FBXW12: variants seen among roughly 807,000 people sequenced by gnomAD.
The protein encoded by FBXW12 is F-box and WD repeat domain containing 12, also known as F-box/WD repeat-containing protein 12.
FBXW12 carries 43 observed loss-of-function variants against 55.3 expected under a neutral mutation model. The observed-to-expected ratio is 0.78, with a 90% CI of 0.61 to 1.00. The LOEUF (loss-of-function observed/expected upper bound fraction) is 1.00. Ranked by LOEUF, FBXW12 falls within the 50% of genes least tolerant of loss-of-function variation. The probability of loss-of-function intolerance (pLI) is 0.00; values close to 1 mark genes in which losing one functional copy is unlikely to be tolerated. For synonymous variants in FBXW12, 184 were observed against 203.8 expected (o/e 0.90, Z 0.83); for missense variants, 524 against 560.5 (o/e 0.93, Z 0.66).
intron 10 of FBXW12, among the ~76,000 whole-genome samples, chr3:48,391,499 C>T (rs1008365077): frequency 6.6e-6 from 1 of 152,076 alleles, no homozygotes; most frequent in Non-Finnish European, 1.5e-5. Context: ...ACTACTATCA[C>T]TACTAATCAC....
In FBXW12 at chr3:48,386,939, TTC is replaced by T. The variant is rs1444896688; in HGVS notation, c.1295+4856_1295+4857del. The stretch of plus-strand genomic sequence containing the variant: ...TCATTTTGTAGTTTTCTTCTTCTTC[TTC>T]TTTTTTTTTTTTTTAGGCGAAGTCT... On this transcript the variant is annotated intron_variant, in intron 10 of 10. Transcript: ENST00000296438. Among the ~76,000 whole-genome samples, 226 of 106,268 alleles carry T rather than the reference TTC, an allele frequency of 2.1e-3. 1 individual carries two copies. Among genetic ancestry groups the T allele is most frequent in the Non-Finnish European group, 3.8e-3 (181 of 47,784 alleles). The allele number at this position is 106,268 out of a possible 152,430, so 69.7% of individuals were successfully genotyped here. A position where few individuals can be genotyped will look rare whatever the true frequency, so the allele number is the denominator to read the frequency against.
chr3:48,381,803 G>T lies in FBXW12; in HGVS notation c.1089G>T (p.Leu363Phe), dbSNP rs757436176. The T allele has an allele frequency of 3.7e-6, 6 of 1,612,418 alleles. No individual in the cohort carries two copies. The highest frequency in any genetic ancestry group is 5.1e-6 in the Non-Finnish European group (6 of 1,178,778). ...TTGTCTTTACCAGTGGACCATACTTGTTACTCTTCAGCATCACTGGCTTCC... is the reference window on the plus strand; with the variant it reads ...TTGTCTTTACCAGTGGACCATACTTTTTACTCTTCAGCATCACTGGCTTCC... ...YMIVFTSGPYLLLFSITGFLL... is the reference protein window; with the variant it reads ...YMIVFTSGPYFLLFSITGFLL... Residue 363 changes from leucine to phenylalanine, a missense_variant, in exon 9 of 11, where the codon TTG (leucine) becomes TTT (phenylalanine). Coordinates refer to ENST00000296438, the MANE Select transcript of FBXW12 (RefSeq NM_207102.2).
rs748721311 is a variant in FBXW12 at position 48,373,603 on chromosome 3, A to G, written c.184A>G (p.Thr62Ala). 8 of 1,614,164 alleles carry G rather than the reference A, an allele frequency of 5.0e-6. No homozygotes were observed. Among genetic ancestry groups the G allele is most frequent in the Non-Finnish European group, 6.8e-6 (8 of 1,180,034 alleles). ...CSNFTNQHLGTHTWKQFFLHQ... is the reference protein window; with the variant it reads ...CSNFTNQHLGAHTWKQFFLHQ... ...CAACTTCACCAATCAACACCTGGGC[A>G]CACACACATGGAAGCAATTTTTCCT... The change falls in exon 4 of 11, where the codon ACA (threonine) becomes GCA (alanine). Residue 62 changes from threonine (T) to alanine (A), a missense_variant. Transcript: ENST00000296438.
chr3:48,387,924 TA>T (rs2036870415), intron 10 of FBXW12, among the ~76,000 whole-genome samples: 1 of 152,202 alleles, frequency 6.6e-6, no homozygotes, highest in Admixed American at 6.6e-5. Context: ...TTTTAAAATA[TA>T]AGCATTTGGT....
At chr3:48,385,611 T>C (rs1490800611) in intron 10 of FBXW12, among the ~76,000 whole-genome samples, 1 of 152,200 alleles carries the variant, frequency 6.6e-6, no homozygotes, top group Non-Finnish European at 1.5e-5. Context: ...TTGTTTTCCA[T>C]AATGGCTGTA....
intron 10 of FBXW12, among the ~76,000 whole-genome samples, chr3:48,389,435 G>T (rs1424462918): frequency 6.6e-6 from 1 of 152,162 alleles, no homozygotes; most frequent in Non-Finnish European, 1.5e-5. Flanking sequence ...CTGGAGTACA[G>T]TGGCACAATC....
At chr3:48,376,104 C>T (rs1335352437) in intron 5 of FBXW12, among the ~76,000 whole-genome samples, 1 of 150,884 alleles carries the variant, frequency 6.6e-6, no homozygotes. Flanking sequence ...GCCTCAGCCT[C>T]CTGAGTAGCT....
At chr3:48,387,132 C>G (rs997141693) in intron 10 of FBXW12, among the ~76,000 whole-genome samples, 3 of 151,926 alleles carry the variant, frequency 2.0e-5, no homozygotes, top group African/African-American at 7.2e-5. Flanking sequence ...TTTTGAAAAG[C>G]TTTTAACTAT....
At chr3:48,393,140 C>CAT (rs1217486297) in intron 10 of FBXW12, among the ~76,000 whole-genome samples, 1 of 152,024 alleles carries the variant, frequency 6.6e-6, no homozygotes, top group African/African-American at 2.4e-5. Flanking sequence ...GGACTACAGG[C>CAT]ATGCACCACT....
At chr3:48,389,925 G>A (rs1049778689) in intron 10 of FBXW12, among the ~76,000 whole-genome samples, 2 of 152,196 alleles carry the variant, frequency 1.3e-5, no homozygotes, top group African/African-American at 4.8e-5. Flanking sequence ...TGGCTAGTCA[G>A]CTATCCCAGC....
chr3:48,387,972 A>G (rs1421174334), intron 10 of FBXW12, among the ~76,000 whole-genome samples: 1 of 152,170 alleles, frequency 6.6e-6, no homozygotes, highest in Non-Finnish European at 1.5e-5. Flanking sequence ...TTTAGCTGCA[A>G]TCCTCAGATT....
At position 48,372,713 on chromosome 3, in the gene FBXW12, TCAGAG is replaced by T; in HGVS notation, c.-51_-47del. On this transcript the variant is annotated 5_prime_UTR_variant, in exon 2 of 11. An upstream open reading frame in the 5' UTR loses its in-frame stop. Transcript: ENST00000296438. ...GCAGACTTTGGCAAAGCCTATAAAT[TCAGAG>T]CAGCCCGGAGAGGAGAAAGGAAAGT... is the stretch of plus-strand genomic sequence containing the variant. 6.2e-7 allele frequency: 1 copy of T among 1,613,772 alleles called. No homozygotes were observed. Among genetic ancestry groups the T allele is most frequent in the Non-Finnish European group, 8.5e-7 (1 of 1,179,688 alleles).
Position 48,379,384 on chromosome 3 carries a change from G to T in FBXW12, c.616-16G>T, listed in dbSNP as rs2036732025. The T allele has an allele frequency of 2.5e-6, 4 of 1,613,408 alleles. No individual in the cohort carries two copies. The Admixed American group carries it at 6.7e-5, about 27-fold the overall frequency. On this transcript the variant is annotated splice_polypyrimidine_tract_variant and intron_variant, in intron 6 of 10. Transcript: ENST00000296438. ...CATATCTTCCTATTGATATGGTGGG[G>T]ATGCTTTGGTTTCAGGTTGGCGATG...
At chr3:48,393,452 G>C (rs111391561) in intron 10 of FBXW12, among the ~76,000 whole-genome samples, 2,565 of 152,200 alleles carry the variant, frequency 0.017, 56 homozygotes, top group African/African-American at 0.057. Flanking sequence ...ACCCTACCTG[G>C]GCTTCTGGTG....
Position 48,379,560 on chromosome 3 carries a change from TA to T in FBXW12, c.774+3del. On this transcript the variant is annotated splice_donor_region_variant and intron_variant, in intron 7 of 10. Coordinates refer to ENST00000296438, the MANE Select transcript of FBXW12 (RefSeq NM_207102.2). ...ACATACAGTCGTACCTTGCCACAGG[TA>T]GGTGCTGTTCTGTGTATTTCAATTT... The T allele has an allele frequency of 6.2e-7, 1 of 1,613,658 alleles. No homozygotes were observed. Among genetic ancestry groups the T allele is most frequent in the Non-Finnish European group, 8.5e-7 (1 of 1,179,586 alleles).
intron 1 of FBXW12, 143 bp downstream of exon 1, chr3:48,372,463 G>C: frequency 8.8e-7 from 1 of 1,138,816 alleles, no homozygotes; most frequent in Non-Finnish European, 1.3e-6. Flanking sequence ...CTGCAACTGG[G>C]GCTGCCCCAG....
chr3:48,380,629 C>T (rs2036751710), intron 7 of FBXW12, 73 bp from the exon 8 acceptor site: 1 of 1,111,762 alleles, frequency 9.0e-7, no homozygotes, highest in Admixed American at 1.8e-5. Flanking sequence ...TAAGAAGGCT[C>T]TTCTGGAGTC....
chr3:48,382,820 T>G (rs1254634080), intron 10 of FBXW12, among the ~76,000 whole-genome samples: 1 of 152,216 alleles, frequency 6.6e-6, no homozygotes, highest in African/African-American at 2.4e-5. Context: ...TCTTCCAGAT[T>G]ATTGCTAGTC....
At chr3:48,392,450 C>CAAAAAAAAAAAAAAAA (rs33965777) in intron 10 of FBXW12, among the ~76,000 whole-genome samples, 1 of 72,678 alleles carries the variant, frequency 1.4e-5, no homozygotes, top group Non-Finnish European at 2.5e-5. Context: ...CACTCAGTCT[C>CAAAAAAAAAAAAAAAA]AAAAAAAAAA....
Sources: gnomAD v4.1 joint callset for allele counts (sites outside exome capture counted in the v4.1 genomes callset) on GRCh38, gnomAD v4.1.1 for gene constraint, MANE v1.5 for transcripts, NCBI Gene and HGNC (gene_info 2026-07-23, HGNC 2026-07-21) for gene names.